The following ZNF274 variants were observed in gnomAD, a reference collection of about 807,000 sequenced individuals.
ZNF274 encodes the protein neurotrophin receptor-interacting factor homolog.
A neutral mutation model predicts 42.5 loss-of-function variants in ZNF274; 23 were observed. The ratio of observed to expected loss-of-function variants is 0.54; its 90% CI spans 0.39 to 0.77. The LOEUF (loss-of-function observed/expected upper bound fraction) is 0.77, where lower values mean the gene tolerates loss of function less well. Among genes scored for constraint, ZNF274 ranks in the 30% least tolerant of loss-of-function variants. The pLI, the probability that ZNF274 is intolerant of heterozygous loss-of-function variation, is 0.00. For synonymous variants in ZNF274, 292 were observed against 305.4 expected (o/e 0.96, Z 0.46); for missense variants, 679 against 806.5 (o/e 0.84, Z 1.91).
At position 58,207,119 on chromosome 19, in the gene ZNF274, C is replaced by T. The variant is rs1330733486; in HGVS notation, c.656C>T (p.Thr219Ile). 12 of 1,613,776 alleles carry T rather than the reference C, an allele frequency of 7.4e-6. No individual in the cohort carries two copies. Among genetic ancestry groups the T allele is most frequent in the South Asian group, 1.1e-5 (1 of 90,970 alleles). ...FLGALPVKLR[T>I]WVESQHPENC... ...GGTGCACTGCCTGTGAAGCTCCGGA[C>T]ATGGGTGGAATCGCAGCACCCAGAG... Residue 219 changes from threonine to isoleucine, a missense_variant, in exon 5 of 8, where the codon ACA becomes ATA. By Grantham distance (89) the Thr-to-Ile change is moderately conservative. This residue lies in a region of ZNF274 where 456 missense variants were observed against 590.1 expected (regional missense o/e 0.77). Coordinates refer to ENST00000617501, the MANE Select transcript of ZNF274 (RefSeq NM_133502.3). This position sits in a 1 kb window ranked among gnomAD's most constrained non-coding sequence, Gnocchi z 5.6.
chr19:58,185,798 G>T lies in ZNF274; in HGVS notation c.120G>T (p.Arg40Ser). ...LLDLKQKSLY[R>S]EVMLENYRNL... is the part of the protein sequence containing the mutation. ...ACCTCAAACAGAAGTCCCTGTACAG[G>T]GAAGTGATGCTGGAGAACTACAGGA... The change falls in exon 3 of 8, where the codon AGG becomes AGT. Residue 40 changes from arginine (R) to serine (S), a missense_variant. By Grantham distance (110) the Arg-to-Ser change is moderately radical. Around this residue, in one of 2 missense-constraint regions of ZNF274, gnomAD observed 223 missense variants for 216.4 expected, o/e 1.03. Transcript: ENST00000617501. 1 of 1,431,592 alleles carries T rather than the reference G, an allele frequency of 7.0e-7. No individual in the cohort carries two copies. The highest frequency in any genetic ancestry group is 9.2e-7 in the Non-Finnish European group (1 of 1,083,072). 88.7% of individuals were successfully genotyped at this position (1,431,592 alleles called of 1,614,324 possible).
intron 4 of ZNF274, among the ~76,000 whole-genome samples, chr19:58,195,384 C>G (rs113071078): frequency 8.5e-5 from 13 of 152,178 alleles, no homozygotes; most frequent in African/African-American, 2.9e-4. Context: ...GTTTGCAAAT[C>G]CAGTCGAATA....
At chr19:58,188,876 C>A (rs1327911225) in intron 4 of ZNF274, among the ~76,000 whole-genome samples, 3 of 104,304 alleles carry the variant, frequency 2.9e-5, no homozygotes, top group African/African-American at 8.7e-5. Context: ...GACAGTGAGA[C>A]CCTGTCTCAA....
chr19:58,197,463 G>T (rs1465719191), intron 4 of ZNF274, among the ~76,000 whole-genome samples: 1 of 152,188 alleles, frequency 6.6e-6, no homozygotes, highest in Non-Finnish European at 1.5e-5. Context: ...ATGTAGTCTT[G>T]TCTCTTCTAA....
intron 4 of ZNF274, among the ~76,000 whole-genome samples, chr19:58,205,694 T>C (rs1462114852): frequency 6.6e-6 from 1 of 152,168 alleles, no homozygotes; most frequent in Non-Finnish European, 1.5e-5. Flanking sequence ...TTTCCTCTTG[T>C]TTTGTGCTGC....
intron 4 of ZNF274, among the ~76,000 whole-genome samples, chr19:58,197,825 A>G (rs534671580): frequency 5.9e-5 from 9 of 152,356 alleles, no homozygotes; most frequent in African/African-American, 1.9e-4. Flanking sequence ...GCTGGAATTC[A>G]GTGAAGCAGA....
Position 58,213,139 on chromosome 19 carries a change from C to G in ZNF274, c.1958C>G (p.Ser653Ter), listed in dbSNP as rs754901770. The change falls in exon 8 of 8, where the codon TCA (serine) becomes TGA (stop). Residue 653 changes from serine to a stop codon, truncating the protein, a stop_gained. Coordinates refer to ENST00000617501, the MANE Select transcript of ZNF274 (RefSeq NM_133502.3). LOFTEE classifies it high-confidence loss of function. ...AAGCGAAAGAAGAAACAGCCTACCT[C>G]ATAGCTCTCAAGCCAGTTGAAGAAA... is the stretch of plus-strand genomic sequence containing the variant. ...RTKRKKKQPT[S>*] 6.2e-7 allele frequency: 1 copy of G among 1,606,120 alleles called. No individual in the cohort carries two copies. Among genetic ancestry groups the G allele is most frequent in the Non-Finnish European group, 8.5e-7 (1 of 1,175,132 alleles).
intron 6 of ZNF274, chr19:58,210,801 G>A: frequency 6.6e-6 from 1 of 152,618 alleles, no homozygotes. Flanking sequence ...TGCAACCTCT[G>A]CCTCCCAGGT....
intron 4 of ZNF274, among the ~76,000 whole-genome samples, chr19:58,198,985 C>T (rs761950288): frequency 1.9e-4 from 29 of 151,530 alleles, no homozygotes; most frequent in Non-Finnish European, 3.2e-4. Context: ...GAGACCACCC[C>T]GGGCAGCATA....
chr19:58,202,659 G>C (rs746773110), intron 4 of ZNF274, among the ~76,000 whole-genome samples: 1 of 152,208 alleles, frequency 6.6e-6, no homozygotes, highest in African/African-American at 2.4e-5. Flanking sequence ...TGAGAATCCA[G>C]TTCCACCTCT....
intron 4 of ZNF274, among the ~76,000 whole-genome samples, chr19:58,203,139 GT>G (rs1408869938): frequency 2.0e-5 from 3 of 152,112 alleles, no homozygotes; most frequent in African/African-American, 7.2e-5. Context: ...AATAGTACTG[GT>G]GGCCCAGTGC....
Position 58,213,389 on chromosome 19 carries a change from T to A in ZNF274, c.*246T>A. 1 of 449,606 alleles carries A rather than the reference T, an allele frequency of 2.2e-6. No individual in the cohort carries two copies. The highest frequency in any genetic ancestry group is 3.8e-6 in the Non-Finnish European group (1 of 260,180). The allele number at this position is 449,606 out of a possible 1,614,324, so 27.9% of individuals were successfully genotyped here. A position where few individuals can be genotyped will look rare whatever the true frequency, so the allele number is the denominator to read the frequency against. ...ACTTGATATTGTTTGTTCACTCATT[T>A]AGTCATTAAAAGTGAGATTAATAAA... is the stretch of plus-strand genomic sequence containing the variant. On this transcript the variant is annotated 3_prime_UTR_variant, in exon 8 of 8. Coordinates refer to ENST00000617501, the MANE Select transcript of ZNF274 (RefSeq NM_133502.3).
chr19:58,212,007 C>T lies in ZNF274; in HGVS notation c.980-154C>T, dbSNP rs767246078. Among the ~76,000 whole-genome samples the T allele has an allele frequency of 6.6e-6, 1 of 152,218 alleles. No individual in the cohort carries two copies. The highest frequency in any genetic ancestry group is 2.4e-5 in the African/African-American group (1 of 41,534). The stretch of plus-strand genomic sequence containing the variant: ...AAGGTCAGTGCTCCCCTCCCTGCCG[C>T]TTCATTGCTTTTCAGTCTCTCTCCA... On this transcript the variant is annotated intron_variant, in intron 7 of 7. Coordinates refer to ENST00000617501, the MANE Select transcript of ZNF274 (RefSeq NM_133502.3). The surrounding 1 kb of genome is among the most constrained non-coding windows in gnomAD (Gnocchi z 4.6).
In ZNF274 at chr19:58,212,130, G is replaced by A. The variant is rs1437137057; in HGVS notation, c.980-31G>A. 1 of 1,571,982 alleles carries A rather than the reference G, an allele frequency of 6.4e-7. No homozygotes were observed. The highest frequency in any genetic ancestry group is 1.4e-5 in the African/African-American group (1 of 73,510). On this transcript the variant is annotated intron_variant, in intron 7 of 7. Transcript: ENST00000617501. This position sits in a 1 kb window ranked among gnomAD's most constrained non-coding sequence, Gnocchi z 4.6. ...GACCCATCCCAGCACATCTCTCTAT[G>A]GGATCCACATCTTTTGTTTATTTTT...
At chr19:58,188,686 ATG>A (rs1568697727) in intron 4 of ZNF274, among the ~76,000 whole-genome samples, 26 of 69,438 alleles carry the variant, frequency 3.7e-4, no homozygotes, top group African/African-American at 1.3e-3. Flanking sequence ...GTATATATAT[ATG>A]TATATGTATA....
intron 2 of ZNF274, chr19:58,184,281 CTTTTG>C (rs72525143): frequency 0.2 from 69,452 of 342,110 alleles, 8,850 homozygotes; most frequent in Middle Eastern, 0.35. Context: ...ATTGACAGGT[CTTTTG>C]TTTGTTTGTT....
Position 58,212,841 on chromosome 19 carries a change from CAG to C in ZNF274, c.1665_1666del (p.Arg555SerfsTer9). 3 of 1,614,046 alleles carry C rather than the reference CAG, an allele frequency of 1.9e-6. No individual in the cohort carries two copies. The highest frequency in any genetic ancestry group is 2.5e-6 in the Non-Finnish European group (3 of 1,179,900). Reference sequence around the variant, plus strand: ...TCAGAGCTCTTCCCTCACACAGCATCAGAGAGTTCATTCTGGAGAGAGACCAT... The same window carrying C: ...TCAGAGCTCTTCCCTCACACAGCATCAGAGTTCATTCTGGAGAGAGACCAT... ...FVQSSSLTQH[Q>X]RVHSGERPFE... On this transcript the variant is annotated frameshift_variant, in exon 8 of 8. Coordinates refer to ENST00000617501, the MANE Select transcript of ZNF274 (RefSeq NM_133502.3). LOFTEE classifies it high-confidence loss of function. This position sits in a 1 kb window ranked among gnomAD's most constrained non-coding sequence, Gnocchi z 4.6.
At position 58,211,430 on chromosome 19, in the gene ZNF274, C is replaced by A; in HGVS notation, c.853-130C>A. ...TGGGCCCTGGGTTGGTGTCTCTGAG[C>A]AAATCCCCAAAGCAGGAGAGTCCCT... is the stretch of plus-strand genomic sequence containing the variant. On this transcript the variant is annotated intron_variant, in intron 6 of 7. Coordinates refer to ENST00000617501, the MANE Select transcript of ZNF274 (RefSeq NM_133502.3). The surrounding 1 kb of genome is among the most constrained non-coding windows in gnomAD (Gnocchi z 4.8). 7.9e-7 allele frequency: 1 copy of A among 1,260,476 alleles called. No individual in the cohort carries two copies. Among genetic ancestry groups the A allele is most frequent in the Non-Finnish European group, 1.1e-6 (1 of 936,466 alleles). The allele number at this position is 1,260,476 out of a possible 1,614,324, so 78.1% of individuals were successfully genotyped here.
chr19:58,194,723 T>A (rs1028362774), intron 4 of ZNF274, among the ~76,000 whole-genome samples: 35 of 150,554 alleles, frequency 2.3e-4, no homozygotes, highest in African/African-American at 8.5e-4. Flanking sequence ...AATCTTTTTC[T>A]TCGGCCGGGC....
Sources: gnomAD v4.1 joint callset for allele counts (sites outside exome capture counted in the v4.1 genomes callset) on GRCh38, gnomAD v4.1.1 for gene constraint, gnomAD v4.1.1 regional missense constraint, Gnocchi (gnomAD v3.1) non-coding constraint, MANE v1.5 for transcripts, NCBI Gene and HGNC (gene_info 2026-07-23, HGNC 2026-07-21) for gene names.